Variants in PCM1 observed in about 807,000 individuals in gnomAD.
The protein encoded by PCM1 is pericentriolar material 1 protein.
PCM1 carries 157 observed loss-of-function variants against 241.9 expected under a neutral mutation model. The ratio of observed to expected loss-of-function variants is 0.65; its 90% CI spans 0.57 to 0.74. The LOEUF (loss-of-function observed/expected upper bound fraction) is 0.74. Among genes scored for constraint, PCM1 ranks in the 30% least tolerant of loss-of-function variants. The pLI, the probability that PCM1 is intolerant of heterozygous loss-of-function variation, is 0.00. For synonymous variants in PCM1, 1,085 were observed against 784.9 expected, an observed-to-expected ratio of 1.38 and a Z score of -6.39; for missense variants, 3,478 against 2,360.1, an observed-to-expected ratio of 1.47 and a Z score of -9.81.
intron 22 of PCM1, 127 bp downstream of exon 22, chr8:17,969,875 A>G (rs2076260524): frequency 1.4e-6 from 1 of 708,208 alleles, no homozygotes; most frequent in East Asian, 2.6e-5. Context: ...TGTTGGAAAT[A>G]TGAAACTTTG....
At chr8:18,027,286 G>A (rs1246772665) in intron 38 of PCM1, among the ~76,000 whole-genome samples, 2 of 152,196 alleles carry the variant, frequency 1.3e-5, no homozygotes, top group Non-Finnish European at 2.9e-5. Context: ...CATTGGGTAT[G>A]CTTCCATCTG....
In PCM1 at chr8:17,980,707, C is replaced by A. The variant is rs751437358; in HGVS notation, c.4060C>A (p.Gln1354Lys). 5.0e-6 allele frequency: 8 copies of A among 1,612,280 alleles called. No homozygotes were observed. The highest frequency in any genetic ancestry group is 1.7e-4 in the Middle Eastern group (1 of 6,056). The change falls in exon 24 of 39, where the codon CAA becomes AAA. Residue 1354 changes from glutamine (Q) to lysine (K), a missense_variant. Physicochemically the swap from Gln to Lys is moderately conservative, Grantham distance 53. Transcript: ENST00000325083. ...AKVFSRKNHE[Q>K]LEKIIKCNRS... ...AGTATTCAGCAGAAAGAATCATGAG[C>A]AACTGGAAAAAATAATAAAATGTAA... is the stretch of plus-strand genomic sequence containing the variant.
At chr8:17,984,998 C>T (rs74989127) in intron 24 of PCM1, among the ~76,000 whole-genome samples, 2,353 of 151,962 alleles carry the variant, frequency 0.015, 62 homozygotes, top group African/African-American at 0.054. Flanking sequence ...TAGTAGCTTT[C>T]ATTGGCAGCA....
Position 18,011,265 on chromosome 8 carries a change from A to G in PCM1, c.5249A>G (p.Gln1750Arg). ...AAGGATGAAACTGAAACAGTTAAGC[A>G]GACTCAAACATCTGAGGTGTATGAT... ...KDKDETETVK[Q>R]TQTSEVYDGP... The change falls in exon 33 of 39, where the codon CAG becomes CGG. Residue 1750 changes from glutamine (Q) to arginine (R), a missense_variant. Coordinates refer to ENST00000325083, the MANE Select transcript of PCM1 (RefSeq NM_006197.4). 6.2e-7 allele frequency: 1 copy of G among 1,606,358 alleles called. No individual in the cohort carries two copies. The highest frequency in any genetic ancestry group is 8.5e-7 in the Non-Finnish European group (1 of 1,176,264).
In PCM1 at chr8:17,985,982, T is replaced by A. The variant is rs1315479120; in HGVS notation, c.4305T>A (p.Ser1435=). ...AGGACATAGTATCCAGACATATTTC[T>A]GAGAGCCATGAAAAAGGAGAAAATG... ...ALQDIVSRHI[S]ESHEKGENVK... The change falls in exon 26 of 39, where the codon TCT becomes TCA. Residue 1435 remains serine, a synonymous_variant. Coordinates refer to ENST00000325083, the MANE Select transcript of PCM1 (RefSeq NM_006197.4). 2.5e-6 allele frequency: 4 copies of A among 1,574,684 alleles called. No individual in the cohort carries two copies. Among genetic ancestry groups the A allele is most frequent in the Non-Finnish European group, 3.5e-6 (4 of 1,150,414 alleles).
chr8:17,996,022 C>G (rs189529830), intron 29 of PCM1, among the ~76,000 whole-genome samples: 1 of 152,154 alleles, frequency 6.6e-6, no homozygotes, highest in East Asian at 1.9e-4. Context: ...TGGATCCCCT[C>G]TATTTCTTTC....
At chr8:17,954,318 T>G (rs1445871279) in intron 9 of PCM1, among the ~76,000 whole-genome samples, 2 of 151,382 alleles carry the variant, frequency 1.3e-5, no homozygotes, top group East Asian at 1.9e-4. Flanking sequence ...TCTCAGCTAC[T>G]CCGGAGGCTG....
intron 38 of PCM1, among the ~76,000 whole-genome samples, 155 bp downstream of exon 38, chr8:18,025,813 C>G (rs2094149521): frequency 1.3e-5 from 2 of 152,160 alleles, no homozygotes; most frequent in Admixed American, 1.3e-4. Context: ...TTTAGTTCAA[C>G]TATTTATAAA....
chr8:18,024,173 C>G (rs1314364263), intron 36 of PCM1, among the ~76,000 whole-genome samples: 6 of 152,176 alleles, frequency 3.9e-5, no homozygotes, highest in African/African-American at 1.4e-4. Context: ...TTGAGAGCAA[C>G]CTGGGCAACA....
At position 17,939,728 on chromosome 8, in the gene PCM1, C is replaced by T. The variant is rs771684191; in HGVS notation, c.650C>T (p.Thr217Ile). The T allele has an allele frequency of 1.3e-6, 2 of 1,552,620 alleles. No homozygotes were observed. The highest frequency in any genetic ancestry group is 2.4e-5 in the East Asian group (1 of 42,502). The change falls in exon 6 of 39, where the codon ACT becomes ATT. Residue 217 changes from threonine to isoleucine, a missense_variant. Coordinates refer to ENST00000325083, the MANE Select transcript of PCM1 (RefSeq NM_006197.4). ...SRLVQIRDYI[T>I]KASSMREDLV... is the part of the protein sequence containing the mutation. ...CTTGTTCAAATTCGCGATTATATTA[C>T]TAAAGCTAGTTCCATGCGGGAAGAT...
rs544572477 is a variant in PCM1 at position 18,013,302 on chromosome 8, G to C, written c.5512-662G>C. 3.3e-5 allele frequency among the ~76,000 whole-genome samples: 5 copies of C among 152,144 alleles called. No individual in the cohort carries two copies. The East Asian group carries it at 9.7e-4, about 29-fold the overall frequency. ...TTGGTGCAAAAGTAATTGTGGTTTT[G>C]GTCATTTTCAATAGCAAAACCCACA... On this transcript the variant is annotated intron_variant, in intron 34 of 38. Transcript: ENST00000325083.
At chr8:18,012,496 G>A (rs2092654504) in intron 34 of PCM1, among the ~76,000 whole-genome samples, 1 of 152,140 alleles carries the variant, frequency 6.6e-6, no homozygotes, top group Non-Finnish European at 1.5e-5. Context: ...TATAAATGGG[G>A]TTTGGTGCTA....
At position 17,953,019 on chromosome 8, in the gene PCM1, C is replaced by G. The variant is rs1433375380; in HGVS notation, c.1121C>G (p.Thr374Ser). The change falls in exon 9 of 39, where the codon ACT becomes AGT. Residue 374 changes from threonine to serine, a missense_variant. Physicochemically the swap from Thr to Ser is moderately conservative, Grantham distance 58 (BLOSUM62 1). Transcript: ENST00000325083. ...NRRQAESLSLTREVSQSRKPS... is the reference protein window; with the variant it reads ...NRRQAESLSLSREVSQSRKPS... ...AGACAGGCAGAAAGTCTTTCATTAA[C>G]TAGGGAGGTTTCCCAGAGCAGGAAA... is the stretch of plus-strand genomic sequence containing the variant. 1.2e-6 allele frequency: 2 copies of G among 1,608,398 alleles called. No homozygotes were observed. The highest frequency in any genetic ancestry group is 1.1e-5 in the South Asian group (1 of 89,840).
chr8:17,974,362 A>G (rs935576341), intron 23 of PCM1, among the ~76,000 whole-genome samples: 5 of 152,196 alleles, frequency 3.3e-5, no homozygotes, highest in African/African-American at 1.2e-4. Flanking sequence ...TAAATGAAGA[A>G]AAGCTGACAT....
Position 17,956,569 on chromosome 8 carries a change from G to A in PCM1, c.1473-35G>A, listed in dbSNP as rs539322851. 17 of 1,325,932 alleles carry A rather than the reference G, an allele frequency of 1.3e-5. No individual in the cohort carries two copies. In the African/African-American group the frequency reaches 2.2e-4, roughly 17 times the overall value. The allele number at this position is 1,325,932 out of a possible 1,614,324, so 82.1% of individuals were successfully genotyped here. On this transcript the variant is annotated intron_variant, in intron 10 of 38. Transcript: ENST00000325083. Reference sequence around the variant, plus strand: ...TGTCTGTATTATTTTGCTAAAATGGGTGTAAATCGTATACATAAATTTTTT... The same window carrying A: ...TGTCTGTATTATTTTGCTAAAATGGATGTAAATCGTATACATAAATTTTTT...
chr8:17,989,577 A>G (rs1422728360), intron 26 of PCM1, among the ~76,000 whole-genome samples: 2 of 152,050 alleles, frequency 1.3e-5, no homozygotes, highest in African/African-American at 2.4e-5. Flanking sequence ...GTAAAATGTT[A>G]ACTTTGCCAA....
chr8:17,966,730 C>G (rs963551054), intron 20 of PCM1, among the ~76,000 whole-genome samples: 2 of 152,148 alleles, frequency 1.3e-5, no homozygotes, highest in Admixed American at 6.5e-5. Context: ...CACAGTGAAG[C>G]TATAAACAAA....
chr8:17,955,830 G>C (rs1313075496), intron 10 of PCM1, 177 bp downstream of exon 10: 1 of 606,860 alleles, frequency 1.6e-6, no homozygotes, highest in East Asian at 2.8e-5. Context: ...AGTTGTCTAA[G>C]AGATGTGATG....
chr8:17,990,051 T>A lies in PCM1; in HGVS notation c.4531+72T>A, dbSNP rs2083989659. 11 of 1,278,416 alleles carry A rather than the reference T, an allele frequency of 8.6e-6. No homozygotes were observed. The South Asian group carries it at 1.0e-4, about 12-fold the overall frequency. The allele number at this position is 1,278,416 out of a possible 1,614,324, so 79.2% of individuals were successfully genotyped here. ...GGTCCAGTCTTTGAATTGGCGTTGA[T>A]AAGGAAACAAGTCTAGAAAGGCGAA... On this transcript the variant is annotated intron_variant, in intron 27 of 38. Coordinates refer to ENST00000325083, the MANE Select transcript of PCM1 (RefSeq NM_006197.4).
Sources: allele counts gnomAD v4.1 joint callset (sites outside exome capture counted in the v4.1 genomes callset), GRCh38; gene constraint gnomAD v4.1.1; transcripts MANE v1.5; gene names NCBI Gene and HGNC (gene_info 2026-07-23, HGNC 2026-07-21).